The following IGF1 variants were observed in gnomAD, a reference collection of about 807,000 sequenced individuals.
IGF1 encodes insulin like growth factor 1.
In IGF1, 4 loss-of-function variants were observed where a neutral mutation model predicts 13.8. That is an observed-to-expected ratio of 0.29 (90% CI 0.14 to 0.66). The LOEUF (loss-of-function observed/expected upper bound fraction) is 0.66. IGF1 is among the 30% of genes least tolerant of loss of function. IGF1 has a pLI of 0.78. For missense variants in IGF1, 124 were observed against 188.5 expected (o/e 0.66, Z 2.00); for synonymous variants, 76 against 72.6 (o/e 1.05, Z -0.23).
chr12:102,415,700 A>T (rs1875084238), intron 3 of IGF1: 1 of 151,718 alleles, frequency 6.6e-6, no homozygotes, highest in Non-Finnish European at 1.5e-5. Flanking sequence ...TAGTTTATTC[A>T]AACCTTTCCA....
At chr12:102,411,400 A>G (rs1874627777) in intron 3 of IGF1, among the ~76,000 whole-genome samples, 1 of 152,212 alleles carries the variant, frequency 6.6e-6, no homozygotes, top group African/African-American at 2.4e-5. Flanking sequence ...CCGTGAAAAT[A>G]GCACATATTT....
intron 1 of IGF1, among the ~76,000 whole-genome samples, chr12:102,477,955 A>G (rs1362444741): frequency 6.6e-6 from 1 of 151,886 alleles, no homozygotes; most frequent in Non-Finnish European, 1.5e-5. Flanking sequence ...AGTCTCTGGA[A>G]CTTAAGAATT....
Position 102,472,646 on chromosome 12 carries a change from A to G in IGF1, c.220+2997T>C, listed in dbSNP as rs565288997. ...AATAATAGGAGTCAACTGACAGTGTATAGAGGTGGGGAAGAATGCTTCCCT... is the reference window on the plus strand; with the variant it reads ...AATAATAGGAGTCAACTGACAGTGTGTAGAGGTGGGGAAGAATGCTTCCCT... On this transcript the variant is annotated intron_variant, in intron 2 of 3. Transcript: ENST00000337514. 2.6e-5 allele frequency among the ~76,000 whole-genome samples: 4 copies of G among 152,346 alleles called. No homozygotes were observed. In the South Asian group the frequency reaches 8.3e-4, roughly 32 times the overall value.
At chr12:102,421,391 A>G (rs920501743) in intron 2 of IGF1, among the ~76,000 whole-genome samples, 3 of 152,096 alleles carry the variant, frequency 2.0e-5, no homozygotes, top group Non-Finnish European at 2.9e-5. Context: ...TCCTGGAACT[A>G]TAAATTAGAG....
intron 3 of IGF1, among the ~76,000 whole-genome samples, chr12:102,408,963 C>T (rs1874404817): frequency 6.6e-6 from 1 of 151,236 alleles, no homozygotes. Flanking sequence ...TCATTTAACA[C>T]CTTCTCATCT....
intron 2 of IGF1, among the ~76,000 whole-genome samples, chr12:102,461,719 CAGA>C (rs1272947426): frequency 6.6e-6 from 1 of 152,160 alleles, no homozygotes; most frequent in African/African-American, 2.4e-5. Flanking sequence ...TTCCAGTTCA[CAGA>C]AGGTCAGGCC....
intron 3 of IGF1, 178 bp from the exon 4 acceptor site, chr12:102,402,744 G>C (rs1520220): frequency 0.77 from 480,410 of 623,316 alleles, 187,764 homozygotes; most frequent in Non-Finnish European, 0.82. Context: ...TAGTACTTTT[G>C]CCAAACCTCA....
At chr12:102,451,755 C>A (rs1449578169) in intron 2 of IGF1, among the ~76,000 whole-genome samples, 1 of 152,108 alleles carries the variant, frequency 6.6e-6, no homozygotes, top group East Asian at 1.9e-4. Flanking sequence ...CAGTTTGGTT[C>A]AGTGTTGACA....
At chr12:102,410,368 T>G (rs1463449657) in intron 3 of IGF1, among the ~76,000 whole-genome samples, 1 of 152,218 alleles carries the variant, frequency 6.6e-6, no homozygotes, top group Non-Finnish European at 1.5e-5. Flanking sequence ...CATTTTTAAA[T>G]TTAAAAAATG....
At chr12:102,454,321 A>G (rs1288578928) in intron 2 of IGF1, among the ~76,000 whole-genome samples, 4 of 152,232 alleles carry the variant, frequency 2.6e-5, no homozygotes, top group Admixed American at 1.3e-4. Flanking sequence ...GCCATTAACC[A>G]TGGCTACTAC....
chr12:102,461,747 G>A (rs1409462045), intron 2 of IGF1, among the ~76,000 whole-genome samples: 1 of 152,180 alleles, frequency 6.6e-6, no homozygotes, highest in Non-Finnish European at 1.5e-5. Context: ...GGTTATCCTT[G>A]GAGCAGTTCT....
intron 2 of IGF1, among the ~76,000 whole-genome samples, chr12:102,468,241 C>G (rs965679469): frequency 6.6e-6 from 1 of 152,210 alleles, no homozygotes; most frequent in African/African-American, 2.4e-5. Flanking sequence ...TTGGTCTCTG[C>G]TGGTTGCACA....
At chr12:102,417,774 C>T in intron 3 of IGF1, 1 of 1,611,032 alleles carries the variant, frequency 6.2e-7, no homozygotes, top group Non-Finnish European at 8.5e-7. Flanking sequence ...CTGTCTGCTC[C>T]TCTCTCATCA....
intron 2 of IGF1, among the ~76,000 whole-genome samples, chr12:102,424,374 C>G (rs555725625): frequency 3.3e-5 from 5 of 151,946 alleles, no homozygotes; most frequent in African/African-American, 1.2e-4. Flanking sequence ...AAAAATGAAC[C>G]TGCATTTCAC....
chr12:102,445,021 C>T (rs970028310), intron 2 of IGF1, among the ~76,000 whole-genome samples: 9 of 151,968 alleles, frequency 5.9e-5, no homozygotes, highest in Admixed American at 2.0e-4. Flanking sequence ...TGTTTTTGTC[C>T]GGTTTGTCAA....
chr12:102,466,390 C>T (rs930596123), intron 2 of IGF1, among the ~76,000 whole-genome samples: 1 of 152,154 alleles, frequency 6.6e-6, no homozygotes, highest in Non-Finnish European at 1.5e-5. Flanking sequence ...TTGGCAATGT[C>T]TGCAAACATT....
chr12:102,452,970 A>G (rs904448809), intron 2 of IGF1, among the ~76,000 whole-genome samples: 7 of 150,850 alleles, frequency 4.6e-5, no homozygotes, highest in South Asian at 2.1e-4. Context: ...TCAATATGAG[A>G]AAAAAAAAGG....
chr12:102,461,102 G>C (rs1480988218), intron 2 of IGF1, among the ~76,000 whole-genome samples: 1 of 152,144 alleles, frequency 6.6e-6, no homozygotes, highest in African/African-American at 2.4e-5. Context: ...GTAAATCCAA[G>C]ATTTTCTAAG....
intron 2 of IGF1, among the ~76,000 whole-genome samples, chr12:102,431,459 G>A (rs941719174): frequency 6.6e-6 from 1 of 152,078 alleles, no homozygotes; most frequent in Non-Finnish European, 1.5e-5. Context: ...AGCTACTATA[G>A]TAAATATTAC....
Sources: gnomAD v4.1 joint callset for allele counts (sites outside exome capture counted in the v4.1 genomes callset) on GRCh38, gnomAD v4.1.1 for gene constraint, MANE v1.5 for transcripts, NCBI Gene and HGNC (gene_info 2026-07-23, HGNC 2026-07-21) for gene names.